Variants in DLGAP1 observed in about 807,000 individuals in gnomAD.
The protein encoded by DLGAP1 is DLG associated protein 1.
A neutral mutation model predicts 90.8 loss-of-function variants in DLGAP1; 11 were observed. The observed-to-expected ratio is 0.12, with a 90% CI of 0.08 to 0.20. DLGAP1 has a LOEUF of 0.20. Among genes scored for constraint, DLGAP1 ranks in the 10% least tolerant of loss-of-function variants. The pLI, the probability that DLGAP1 is intolerant of heterozygous loss-of-function variation, is 1.00. For synonymous variants in DLGAP1, 558 were observed against 540.7 expected (o/e 1.03, Z -0.44); for missense variants, 1,050 against 1,333.8 (o/e 0.79, Z 3.31).
At chr18:4,281,177 C>T (rs1009634209) in intron 1 of DLGAP1, among the ~76,000 whole-genome samples, 7 of 152,110 alleles carry the variant, frequency 4.6e-5, no homozygotes, top group African/African-American at 1.7e-4. Context: ...AACGTAGCTG[C>T]TTTTGGGATA....
intron 4 of DLGAP1, 56 bp from the exon 5 acceptor site, chr18:3,814,329 T>C (rs1026468979): frequency 6.7e-7 from 1 of 1,495,092 alleles, no homozygotes; most frequent in Non-Finnish European, 9.0e-7. Context: ...CTTTTTCTTT[T>C]CTTTTTCTTT....
chr18:3,724,283 A>G (rs2062078310), intron 7 of DLGAP1, among the ~76,000 whole-genome samples: 1 of 152,152 alleles, frequency 6.6e-6, no homozygotes, highest in African/African-American at 2.4e-5. Flanking sequence ...GCAGTGAGCC[A>G]TAATCACACC....
Position 3,526,784 on chromosome 18 carries a change from C to T in DLGAP1, c.2479+7410G>A, listed in dbSNP as rs957698998. On this transcript the variant is annotated intron_variant, in intron 10 of 12. Coordinates refer to ENST00000315677, the MANE Select transcript of DLGAP1 (RefSeq NM_004746.4). This position sits in a 1 kb window ranked among gnomAD's most constrained non-coding sequence, Gnocchi z 4.7. ...TCATCCCCGGTTAGATAATACCAGA[C>T]GTATCTATGTAACATACAAGCCACT... Among the ~76,000 whole-genome samples, 14 of 152,164 alleles carry T rather than the reference C, an allele frequency of 9.2e-5. 1 individual carries two copies. In the East Asian group the frequency reaches 1.5e-3, roughly 17 times the overall value.
At position 3,653,251 on chromosome 18, in the gene DLGAP1, TC is replaced by T. The variant is rs887116356; in HGVS notation, c.1592-71004del. On this transcript the variant is annotated intron_variant, in intron 7 of 12. Transcript: ENST00000315677. This position sits in a 1 kb window ranked among gnomAD's most constrained non-coding sequence, Gnocchi z 4.6. ...CTTCCCTGCCATTGGTGCGACTGTT[TC>T]CCCCTTCCGTCAAATTGCTGTCTAG... 6.6e-6 allele frequency among the ~76,000 whole-genome samples: 1 copy of T among 152,148 alleles called. No homozygotes were observed. The highest frequency in any genetic ancestry group is 1.5e-5 in the Non-Finnish European group (1 of 68,028).
chr18:4,209,543 T>A (rs1045987860), intron 1 of DLGAP1, among the ~76,000 whole-genome samples: 3 of 152,196 alleles, frequency 2.0e-5, no homozygotes, highest in Non-Finnish European at 4.4e-5. Flanking sequence ...TATACTCTCC[T>A]GTTTTAATTT....
intron 4 of DLGAP1, among the ~76,000 whole-genome samples, chr18:3,857,662 C>A (rs898336465): frequency 7.9e-5 from 12 of 152,122 alleles, no homozygotes; most frequent in Non-Finnish European, 1.6e-4. Context: ...ATTTTTATGA[C>A]CTTTCTTAGT....
intron 5 of DLGAP1, among the ~76,000 whole-genome samples, chr18:3,786,550 C>CTATG (rs1202157994): frequency 6.6e-6 from 1 of 152,110 alleles, no homozygotes; most frequent in Non-Finnish European, 1.5e-5. Flanking sequence ...TTTGGACTAG[C>CTATG]TATGGTGCGT....
chr18:3,979,877 T>C (rs143209633), intron 3 of DLGAP1, among the ~76,000 whole-genome samples: 1,608 of 152,316 alleles, frequency 0.011, 23 homozygotes, highest in African/African-American at 0.037. Flanking sequence ...GGCTCACGCC[T>C]GTAATCCCAG....
chr18:4,092,056 G>C (rs1010887542), intron 2 of DLGAP1, among the ~76,000 whole-genome samples: 6 of 152,116 alleles, frequency 3.9e-5, no homozygotes, highest in African/African-American at 1.4e-4. Context: ...CTAGTTAGAA[G>C]TTGAGCTGGG....
intron 7 of DLGAP1, among the ~76,000 whole-genome samples, chr18:3,674,962 T>C (rs2060246601): frequency 6.0e-5 from 8 of 132,266 alleles, no homozygotes; most frequent in African/African-American, 2.4e-4. Context: ...CAGTACCGAG[T>C]CCACCACAAT....
chr18:3,998,657 A>C (rs967197895), intron 3 of DLGAP1, among the ~76,000 whole-genome samples: 9 of 152,166 alleles, frequency 5.9e-5, no homozygotes, highest in African/African-American at 2.2e-4. Flanking sequence ...GATGTTTCCT[A>C]TTCAAATTCA....
At chr18:4,313,407 A>G (rs115123648) in intron 1 of DLGAP1, among the ~76,000 whole-genome samples, 415 of 152,232 alleles carry the variant, frequency 2.7e-3, no homozygotes, top group African/African-American at 9.7e-3. Flanking sequence ...GAAGAAAGAG[A>G]TGCAGTTAGC....
chr18:4,135,427 C>T (rs2076383884), intron 2 of DLGAP1, among the ~76,000 whole-genome samples: 1 of 152,154 alleles, frequency 6.6e-6, no homozygotes, highest in Non-Finnish European at 1.5e-5. Context: ...TAATTTAAGG[C>T]AGTAATTCAG....
chr18:3,847,488 G>A lies in DLGAP1; in HGVS notation c.957+31624C>T, dbSNP rs534215666. On this transcript the variant is annotated intron_variant, in intron 4 of 12. Transcript: ENST00000315677. Reference sequence around the variant, plus strand: ...AAAAGAGGAGGACTAGGAAGAAGAGGAAGAAGAGAATAAAGATGAAGGGGA... The same window carrying A: ...AAAAGAGGAGGACTAGGAAGAAGAGAAAGAAGAGAATAAAGATGAAGGGGA... Among the ~76,000 whole-genome samples the A allele has an allele frequency of 2.6e-5, 4 of 152,014 alleles. No homozygotes were observed. The East Asian group carries it at 7.7e-4, about 29-fold the overall frequency.
intron 5 of DLGAP1, among the ~76,000 whole-genome samples, chr18:3,765,033 T>C (rs2064153839): frequency 6.6e-6 from 1 of 151,960 alleles, no homozygotes; most frequent in African/African-American, 2.4e-5. Flanking sequence ...CATGGCTGTG[T>C]TTGTTGTATC....
chr18:4,034,782 C>T (rs928764001), intron 2 of DLGAP1, among the ~76,000 whole-genome samples: 1 of 151,782 alleles, frequency 6.6e-6, no homozygotes, highest in Non-Finnish European at 1.5e-5. Context: ...TGTGGTGGGC[C>T]CATGAAAGAA....
At chr18:4,008,191 C>A (rs920128273) in intron 2 of DLGAP1, among the ~76,000 whole-genome samples, 2 of 150,924 alleles carry the variant, frequency 1.3e-5, no homozygotes, top group Non-Finnish European at 2.9e-5. Context: ...CAAACAGAAC[C>A]AAACCCTATA....
intron 1 of DLGAP1, among the ~76,000 whole-genome samples, chr18:4,322,786 TC>T (rs1444623810): frequency 3.3e-5 from 5 of 151,610 alleles, no homozygotes; most frequent in African/African-American, 9.7e-5. Flanking sequence ...ATGGTGAAAC[TC>T]CGTCTCTACG....
chr18:4,415,669 TA>T (rs1423293137), intron 1 of DLGAP1, among the ~76,000 whole-genome samples: 1 of 152,204 alleles, frequency 6.6e-6, no homozygotes, highest in Admixed American at 6.5e-5. Context: ...TCAGCTGATA[TA>T]GATTCAAAAA....
Sources: gnomAD v4.1 joint callset for allele counts (sites outside exome capture counted in the v4.1 genomes callset) on GRCh38, gnomAD v4.1.1 for gene constraint, Gnocchi (gnomAD v3.1) non-coding constraint, MANE v1.5 for transcripts, NCBI Gene and HGNC (gene_info 2026-07-23, HGNC 2026-07-21) for gene names.